MARCHF7: variants seen among roughly 807,000 people sequenced by gnomAD.
MARCHF7 encodes membrane associated ring-CH-type finger 7, also known as E3 ubiquitin-protein ligase MARCHF7.
Under a neutral mutation model 76.5 loss-of-function variants are expected in MARCHF7, and 20 were observed. That is an observed-to-expected ratio of 0.26 (90% CI 0.18 to 0.38). The LOEUF is 0.38. Among genes scored for constraint, MARCHF7 ranks in the 10% least tolerant of loss-of-function variants. The pLI, the probability that MARCHF7 is intolerant of heterozygous loss-of-function variation, is 1.00. For synonymous variants in MARCHF7, 295 were observed against 293.0 expected (o/e 1.01, Z -0.07); for missense variants, 797 against 812.9 (o/e 0.98, Z 0.24).
chr2:159,741,996 G>T (rs1398666429), intron 4 of MARCHF7, among the ~76,000 whole-genome samples: 2 of 152,088 alleles, frequency 1.3e-5, no homozygotes, highest in Non-Finnish European at 2.9e-5. Context: ...AATTGTGGTT[G>T]AAATATGTTG....
chr2:159,745,674 T>A (rs1463826808), intron 5 of MARCHF7, 96 bp from the exon 6 acceptor site: 5 of 768,370 alleles, frequency 6.5e-6, no homozygotes, highest in South Asian at 4.3e-5. Context: ...ATAATAATAA[T>A]AAATAACACT....
rs377705664 is a variant in MARCHF7, at chr2:159,764,212, TTGTGTGTGTGTG to T, written c.2008-381_2008-370del. 3.0e-3 allele frequency among the ~76,000 whole-genome samples: 420 copies of T among 138,562 alleles called. 4 individuals carry two copies. Among genetic ancestry groups the T allele is most frequent in the East Asian group, 0.023 (110 of 4,720 alleles). 90.9% of individuals were successfully genotyped at this position (138,562 alleles called of 152,430 possible). A position where few individuals can be genotyped will look rare whatever the true frequency, so the allele number is the denominator to read the frequency against. The stretch of plus-strand genomic sequence containing the variant: ...AGGAAAATATTGGTTCTTGGGAGTT[TTGTGTGTGTGTG>T]TGTGTGTGTGTGTGTGTGTGTGTGT... On this transcript the variant is annotated intron_variant, in intron 10 of 11. Coordinates refer to ENST00000409175, the MANE Select transcript of MARCHF7 (RefSeq NM_001282805.2).
At chr2:159,715,430 G>A (rs772809580) in intron 2 of MARCHF7, among the ~76,000 whole-genome samples, 1 of 152,032 alleles carries the variant, frequency 6.6e-6, no homozygotes, top group Non-Finnish European at 1.5e-5. Context: ...TGCTGCAGCC[G>A]CAGTCTCCCA....
Position 159,748,063 on chromosome 2 carries a change from A to G in MARCHF7, c.773A>G (p.Glu258Gly). Residue 258 changes from glutamate to glycine, a missense_variant, in exon 7 of 12, where the codon GAA (glutamate) becomes GGA (glycine). Coordinates refer to ENST00000409175, the MANE Select transcript of MARCHF7 (RefSeq NM_001282805.2). ...RDEAPIISNS[E>G]RVVSSQRPFQ... Reference sequence around the variant, plus strand: ...GAAGCCCCAATCATAAGCAATTCAGAAAGGGTTGTTTCATCTCAAAGACCA... The same window carrying G: ...GAAGCCCCAATCATAAGCAATTCAGGAAGGGTTGTTTCATCTCAAAGACCA... 2 of 1,614,182 alleles carry G rather than the reference A, an allele frequency of 1.2e-6. No homozygotes were observed. Among genetic ancestry groups the G allele is most frequent in the Non-Finnish European group, 1.7e-6 (2 of 1,180,024 alleles).
At chr2:159,728,190 A>G (rs1702387307) in intron 3 of MARCHF7, among the ~76,000 whole-genome samples, 1 of 152,252 alleles carries the variant, frequency 6.6e-6, no homozygotes, top group Admixed American at 6.5e-5. Context: ...GAGATAATAT[A>G]GTACCTGTCT....
intron 4 of MARCHF7, among the ~76,000 whole-genome samples, chr2:159,738,597 T>G (rs560476661): frequency 1.6e-4 from 24 of 152,164 alleles, no homozygotes; most frequent in African/African-American, 5.5e-4. Context: ...TAGCTTTCAG[T>G]GGAGAGGAGA....
At chr2:159,728,339 TAAAA>T (rs1338930094) in intron 3 of MARCHF7, among the ~76,000 whole-genome samples, 1 of 152,192 alleles carries the variant, frequency 6.6e-6, no homozygotes, top group Non-Finnish European at 1.5e-5. Flanking sequence ...GAGTGGTAAA[TAAAA>T]AGAAAGTTCA....
At position 159,770,301 on chromosome 2, in the gene MARCHF7, C is replaced by T. The variant is rs866387899; in HGVS notation, c.*2959C>T. 4 of 152,156 alleles carry T rather than the reference C, an allele frequency of 2.6e-5. No individual in the cohort carries two copies. The highest frequency in any genetic ancestry group is 9.7e-5 in the African/African-American group (4 of 41,416). 9.4% of individuals were successfully genotyped at this position (152,156 alleles called of 1,614,324 possible). On this transcript the variant is annotated 3_prime_UTR_variant, in exon 12 of 12. Transcript: ENST00000409175. ...AAATGTAAAGCTCTTACAGAGCATGCTTGTGCTTGTGTAACAGCTGGTGTA... is the reference window on the plus strand; with the variant it reads ...AAATGTAAAGCTCTTACAGAGCATGTTTGTGCTTGTGTAACAGCTGGTGTA...
rs939533804 is a variant in MARCHF7, at chr2:159,748,990, T to A, written c.1613+87T>A. On this transcript the variant is annotated intron_variant, in intron 7 of 11. Transcript: ENST00000409175. ...TTTTTTTTCTTTTCTTTTTTTTTTT[T>A]TTTTTTGAGACGGAGTCTCAGTCTG... is the stretch of plus-strand genomic sequence containing the variant. 3.7e-6 allele frequency: 5 copies of A among 1,337,952 alleles called. No homozygotes were observed. In the African/African-American group the frequency reaches 7.9e-5, roughly 21 times the overall value. 82.9% of individuals were successfully genotyped at this position (1,337,952 alleles called of 1,614,324 possible).
intron 5 of MARCHF7, among the ~76,000 whole-genome samples, chr2:159,743,494 A>AT (rs1246151129): frequency 6.6e-6 from 1 of 152,196 alleles, no homozygotes; most frequent in Non-Finnish European, 1.5e-5. Flanking sequence ...AATAGCTGGT[A>AT]TTTTATGATA....
intron 9 of MARCHF7, among the ~76,000 whole-genome samples, chr2:159,762,085 A>AC: frequency 6.6e-6 from 1 of 152,246 alleles, no homozygotes; most frequent in Non-Finnish European, 1.5e-5. Context: ...AATGTCATAT[A>AC]CCCTATAGTT....
intron 3 of MARCHF7, among the ~76,000 whole-genome samples, chr2:159,725,392 G>A (rs1236276673): frequency 6.6e-6 from 1 of 152,180 alleles, no homozygotes; most frequent in Non-Finnish European, 1.5e-5. Flanking sequence ...GTGTGAGATG[G>A]TGTCTCGTTG....
At chr2:159,744,560 A>G (rs1334151656) in intron 5 of MARCHF7, among the ~76,000 whole-genome samples, 1 of 152,260 alleles carries the variant, frequency 6.6e-6, no homozygotes, top group Non-Finnish European at 1.5e-5. Context: ...TTGTGGTGAC[A>G]CAATTGGAGG....
At chr2:159,745,205 T>C (rs879479061) in intron 5 of MARCHF7, among the ~76,000 whole-genome samples, 7 of 152,230 alleles carry the variant, frequency 4.6e-5, no homozygotes, top group Non-Finnish European at 1.0e-4. Context: ...GATTGAGACA[T>C]TGACATTGTG....
At chr2:159,753,507 C>T (rs1040880279) in intron 8 of MARCHF7, among the ~76,000 whole-genome samples, 20 of 151,366 alleles carry the variant, frequency 1.3e-4, no homozygotes, top group African/African-American at 4.6e-4. Context: ...GCCGAGATTG[C>T]GCCACTGCAC....
chr2:159,748,973 CT>C (rs1210018083), intron 7 of MARCHF7, 70 bp downstream of exon 7: 26 of 684,706 alleles, frequency 3.8e-5, no homozygotes, highest in African/African-American at 1.1e-4. Context: ...TCTTTTTTTT[CT>C]TTTCTTTTTT....
At chr2:159,729,225 AG>A (rs759110270) in intron 4 of MARCHF7, 50 bp downstream of exon 4, 2 of 1,382,444 alleles carry the variant, frequency 1.4e-6, no homozygotes, top group Non-Finnish European at 1.9e-6. Flanking sequence ...CAAAATCCCT[AG>A]GGCCACTCTT....
intron 4 of MARCHF7, chr2:159,733,318 G>T: frequency 1.8e-6 from 1 of 559,260 alleles, no homozygotes; most frequent in Non-Finnish European, 2.3e-6. Context: ...GCTCACTGAA[G>T]CCTCTGCCTC....
chr2:159,716,747 C>G (rs1259390220), intron 3 of MARCHF7, among the ~76,000 whole-genome samples: 3 of 152,170 alleles, frequency 2.0e-5, no homozygotes, highest in African/African-American at 4.8e-5. Flanking sequence ...AATTCAGTAC[C>G]TGTAATCTTC....
Sources: gnomAD v4.1 joint callset for allele counts (sites outside exome capture counted in the v4.1 genomes callset) on GRCh38, gnomAD v4.1.1 for gene constraint, MANE v1.5 for transcripts, NCBI Gene and HGNC (gene_info 2026-07-23, HGNC 2026-07-21) for gene names.